VRK3: variants seen among roughly 807,000 people sequenced by gnomAD.
VRK3 encodes the protein serine/threonine-protein kinase VRK3.
Under a neutral mutation model 60.4 loss-of-function variants are expected in VRK3, and 50 were observed. The ratio of observed to expected loss-of-function variants is 0.83; its 90% confidence interval spans 0.66 to 1.05. VRK3 has a LOEUF of 1.05. Among genes scored for constraint, VRK3 ranks in the 50% least tolerant of loss-of-function variants. The probability of loss-of-function intolerance (pLI) is 0.00; values close to 1 mark genes in which losing one functional copy is unlikely to be tolerated. For missense variants in VRK3, 549 were observed against 585.3 expected, an observed-to-expected ratio of 0.94 and a Z score of 0.64; for synonymous variants, 246 against 227.8, an observed-to-expected ratio of 1.08 and a Z score of -0.72.
At chr19:50,007,168 G>A (rs1200315426) in intron 5 of VRK3, among the ~76,000 whole-genome samples, 2 of 152,120 alleles carry the variant, frequency 1.3e-5, no homozygotes, top group Non-Finnish European at 2.9e-5. Context: ...GACATCATCA[G>A]TCTCGATGTT....
intron 12 of VRK3, chr19:49,988,099 G>A (rs984680994): frequency 6.8e-6 from 2 of 294,152 alleles, no homozygotes; most frequent in Non-Finnish European, 6.6e-6. Context: ...TAGCTAGTAG[G>A]AGACCATCTC....
intron 14 of VRK3, among the ~76,000 whole-genome samples, chr19:49,977,662 G>A (rs10414478): frequency 0.043 from 6,489 of 152,166 alleles, 441 homozygotes; most frequent in African/African-American, 0.15. Context: ...AGTCTCACCC[G>A]GGACCGAAGG....
chr19:49,991,537 A>G (rs912847933), intron 10 of VRK3, among the ~76,000 whole-genome samples: 6 of 151,382 alleles, frequency 4.0e-5, no homozygotes, highest in Non-Finnish European at 5.9e-5. Flanking sequence ...ACACACACGC[A>G]CACACACACA....
chr19:50,018,193 C>G (rs550867019), intron 2 of VRK3, among the ~76,000 whole-genome samples: 110 of 152,348 alleles, frequency 7.2e-4, no homozygotes, highest in Middle Eastern at 3.4e-3. Context: ...TCGATGAGGT[C>G]TAAATGAATA....
chr19:49,980,258 A>C (rs529709992), intron 13 of VRK3, among the ~76,000 whole-genome samples: 1 of 152,094 alleles, frequency 6.6e-6, no homozygotes, highest in Non-Finnish European at 1.5e-5. Flanking sequence ...ACCCAGTAAC[A>C]GGGATTGGCT....
At chr19:50,019,995 GTGTCC>G (rs1322041358) in intron 2 of VRK3, among the ~76,000 whole-genome samples, 1 of 151,768 alleles carries the variant, frequency 6.6e-6, no homozygotes, top group East Asian at 1.9e-4. Flanking sequence ...TTTCCTGTCA[GTGTCC>G]CATGTAGCTG....
intron 2 of VRK3, among the ~76,000 whole-genome samples, chr19:50,019,720 T>C (rs1380201947): frequency 3.1e-5 from 4 of 127,890 alleles, no homozygotes; most frequent in Admixed American, 8.5e-5. Flanking sequence ...TTTTACTTTT[T>C]GTAGAGATGG....
At chr19:49,993,306 C>T (rs2076644007) in intron 9 of VRK3, among the ~76,000 whole-genome samples, 1 of 152,206 alleles carries the variant, frequency 6.6e-6, no homozygotes, top group African/African-American at 2.4e-5. Flanking sequence ...TCTCACCTGT[C>T]CTAGAGAGCA....
In VRK3 at chr19:50,014,123, C is replaced by T. The variant is rs555398635; in HGVS notation, c.139+1901G>A. Among the ~76,000 whole-genome samples, 408 of 152,038 alleles carry T rather than the reference C, an allele frequency of 2.7e-3. 2 individuals carry two copies. The highest frequency in any genetic ancestry group is 6.0e-3 in the South Asian group (29 of 4,816). On this transcript the variant is annotated intron_variant, in intron 3 of 14. Coordinates refer to ENST00000316763, the MANE Select transcript of VRK3 (RefSeq NM_016440.4). Reference sequence around the variant, plus strand: ...CTCTACTGAAAATATAAAAATCAGCCGGGCATGGTGGTACATACCTGTAAT... The same window carrying T: ...CTCTACTGAAAATATAAAAATCAGCTGGGCATGGTGGTACATACCTGTAAT...
At chr19:50,022,717 C>T (rs1451396429) in intron 1 of VRK3, among the ~76,000 whole-genome samples, 1 of 152,150 alleles carries the variant, frequency 6.6e-6, no homozygotes, top group Non-Finnish European at 1.5e-5. Context: ...TCGCTTGAAC[C>T]TGGGAGGCAG....
At chr19:50,023,148 T>C (rs143285990) in intron 1 of VRK3, among the ~76,000 whole-genome samples, 1 of 152,366 alleles carries the variant, frequency 6.6e-6, no homozygotes, top group East Asian at 1.9e-4. Context: ...AAATGTCACC[T>C]TCTCAGAGAC....
intron 9 of VRK3, among the ~76,000 whole-genome samples, chr19:49,993,772 G>C (rs1446027038): frequency 6.6e-6 from 1 of 152,028 alleles, no homozygotes; most frequent in Admixed American, 6.6e-5. Flanking sequence ...TTTGACCCCA[G>C]GGCTCTACTG....
At chr19:49,994,158 C>T (rs1193683485) in intron 9 of VRK3, among the ~76,000 whole-genome samples, 1 of 152,184 alleles carries the variant, frequency 6.6e-6, no homozygotes, top group African/African-American at 2.4e-5. Flanking sequence ...GTACGTCCAT[C>T]CCTCCAGCGA....
intron 13 of VRK3, 129 bp downstream of exon 13, chr19:49,980,826 A>T: frequency 1.4e-6 from 1 of 732,454 alleles, no homozygotes; most frequent in Non-Finnish European, 2.2e-6. Context: ...TACAATGGGT[A>T]CGTATTACAA....
intron 5 of VRK3, 65 bp downstream of exon 5, chr19:50,007,504 G>A: frequency 6.3e-7 from 1 of 1,595,370 alleles, no homozygotes; most frequent in Non-Finnish European, 8.6e-7. Flanking sequence ...CTCAGAACGG[G>A]GTCCCCTCCC....
intron 10 of VRK3, among the ~76,000 whole-genome samples, chr19:49,991,298 A>T (rs571594106): frequency 1.3e-5 from 2 of 152,126 alleles, no homozygotes; most frequent in Non-Finnish European, 2.9e-5. Flanking sequence ...AAGCTAAGTA[A>T]CCAGAAGCTC....
intron 7 of VRK3, among the ~76,000 whole-genome samples, chr19:49,996,715 C>T (rs1170059485): frequency 6.6e-6 from 1 of 152,148 alleles, no homozygotes; most frequent in African/African-American, 2.4e-5. Context: ...CTTCCAGGTT[C>T]GAGTGATTCT....
intron 14 of VRK3, among the ~76,000 whole-genome samples, chr19:49,977,631 G>A (rs1176904651): frequency 6.6e-6 from 1 of 152,146 alleles, no homozygotes; most frequent in African/African-American, 2.4e-5. Context: ...GCAGAAGACT[G>A]TGACAAGTGA....
rs1315663315 is a variant in VRK3 at position 50,009,384 on chromosome 19, G to A, written c.141C>T (p.Gly47=). The change falls in exon 4 of 15, where the codon GGC becomes GGT. Residue 47 remains glycine, a splice_region_variant and synonymous_variant. Transcript: ENST00000316763. ...AACTGGAGTTCAGCCCTCTCTTTGA[G>A]CCTAAAGAAAGGCAGACAAAATGCA... ...FVNPHVSSFQ[G]SKRGLNSSFE... is the part of the protein sequence containing the mutation. 1 of 1,613,456 alleles carries A rather than the reference G, an allele frequency of 6.2e-7. No homozygotes were observed. The highest frequency in any genetic ancestry group is 8.5e-7 in the Non-Finnish European group (1 of 1,179,790).
Sources: allele counts gnomAD v4.1 joint callset (sites outside exome capture counted in the v4.1 genomes callset), GRCh38; gene constraint gnomAD v4.1.1; transcripts MANE v1.5; gene names NCBI Gene and HGNC (gene_info 2026-07-23, HGNC 2026-07-21).